Variants in TECPR2 observed in about 807,000 individuals in gnomAD.
The protein encoded by TECPR2 is tectonin beta-propeller repeat-containing protein 2.
In TECPR2, 65 loss-of-function variants were observed where a neutral mutation model predicts 138.1. The ratio of observed to expected loss-of-function variants is 0.47; its 90% CI spans 0.39 to 0.58. The LOEUF (loss-of-function observed/expected upper bound fraction) is 0.58, where lower values mean the gene tolerates loss of function less well. Ranked by LOEUF, TECPR2 falls within the 20% of genes least tolerant of loss-of-function variation. The probability of loss-of-function intolerance (pLI) is 0.00; values close to 1 mark genes in which losing one functional copy is unlikely to be tolerated. For synonymous variants in TECPR2, 746 were observed against 749.8 expected (o/e 0.99, Z 0.08); for missense variants, 1,553 against 1,824.5 (o/e 0.85, Z 2.71).
At chr14:102,466,036 G>C (rs776822566) in intron 17 of TECPR2, among the ~76,000 whole-genome samples, 10 of 152,152 alleles carry the variant, frequency 6.6e-5, no homozygotes, top group Non-Finnish European at 1.3e-4. Flanking sequence ...AGTGGGGCAG[G>C]GGGGATGGTT....
intron 12 of TECPR2, among the ~76,000 whole-genome samples, chr14:102,444,829 G>A (rs1224010713): frequency 2.0e-5 from 3 of 151,940 alleles, no homozygotes; most frequent in African/African-American, 2.4e-5. Flanking sequence ...AAAATTAACC[G>A]GGCATCTCAG....
At chr14:102,479,279 C>T (rs1265939725) in intron 17 of TECPR2, among the ~76,000 whole-genome samples, 1 of 152,102 alleles carries the variant, frequency 6.6e-6, no homozygotes, top group Non-Finnish European at 1.5e-5. Flanking sequence ...GAAGAGTGCT[C>T]CTCCCTGCTG....
At chr14:102,413,821 C>CA (rs1888950458) in intron 4 of TECPR2, among the ~76,000 whole-genome samples, 1 of 151,402 alleles carries the variant, frequency 6.6e-6, no homozygotes, top group African/African-American at 2.4e-5. Flanking sequence ...TTTTTAAAGA[C>CA]AGAGTCTCAC....
intron 2 of TECPR2, among the ~76,000 whole-genome samples, chr14:102,403,837 GAAATT>G (rs1487237260): frequency 6.6e-6 from 1 of 152,174 alleles, no homozygotes; most frequent in Non-Finnish European, 1.5e-5. Flanking sequence ...ATTGCTGAAA[GAAATT>G]AAAGACATAG....
intron 16 of TECPR2, among the ~76,000 whole-genome samples, chr14:102,456,590 CTT>C (rs532308547): frequency 1.2e-4 from 17 of 138,116 alleles, no homozygotes; most frequent in Middle Eastern, 3.4e-3. Flanking sequence ...CCCTCTCGCT[CTT>C]TTTTTTTTTT....
chr14:102,498,129 G>C lies in TECPR2; in HGVS notation c.4108G>C (p.Val1370Leu). The change falls in exon 20 of 20, where the codon GTG (valine) becomes CTG (leucine). Residue 1370 changes from valine (V) to leucine (L), a missense_variant. Physicochemically the swap from Val to Leu is conservative, Grantham distance 32. Transcript: ENST00000359520. ...TVTASDELWA[V>L]GPPGYLLQRL... is the part of the protein sequence containing the mutation. ...GACTGCGTCAGATGAGCTGTGGGCT[G>C]TGGGCCCGCCCGGCTACCTCCTCCA... 1 of 1,613,458 alleles carries C rather than the reference G, an allele frequency of 6.2e-7. No homozygotes were observed.
chr14:102,433,301 G>A (rs1039156265), intron 8 of TECPR2, among the ~76,000 whole-genome samples: 1 of 151,594 alleles, frequency 6.6e-6, no homozygotes, highest in African/African-American at 2.4e-5. Context: ...GACCCATGCC[G>A]CCTCCTCTCC....
intron 6 of TECPR2, 106 bp downstream of exon 6, chr14:102,425,397 G>A (rs1318760893): frequency 4.5e-6 from 5 of 1,122,210 alleles, no homozygotes; most frequent in Non-Finnish European, 5.9e-6. Flanking sequence ...GAGCAGTATT[G>A]ACTTACACTT....
Position 102,425,017 on chromosome 14 carries a change from G to A in TECPR2, c.677G>A (p.Cys226Tyr), listed in dbSNP as rs2139715947. Residue 226 changes from cysteine (C) to tyrosine (Y), a missense_variant, in exon 6 of 20, where the codon TGT becomes TAT. Coordinates refer to ENST00000359520, the MANE Select transcript of TECPR2 (RefSeq NM_014844.5). ...KFGACFIPGL[C>Y]KQSDLTLYAS... is the part of the protein sequence containing the mutation. Reference sequence around the variant, plus strand: ...GGTGCTTGTTTTATACCAGGACTCTGTAAGCAAAGTGATCTAACCTTGTAT... The same window carrying A: ...GGTGCTTGTTTTATACCAGGACTCTATAAGCAAAGTGATCTAACCTTGTAT... 6.2e-7 allele frequency: 1 copy of A among 1,614,028 alleles called. No individual in the cohort carries two copies. Among genetic ancestry groups the A allele is most frequent in the Non-Finnish European group, 8.5e-7 (1 of 1,179,994 alleles).
intron 17 of TECPR2, among the ~76,000 whole-genome samples, chr14:102,477,699 C>T (rs553854474): frequency 1.0e-4 from 15 of 143,598 alleles, no homozygotes; most frequent in African/African-American, 3.3e-4. Flanking sequence ...TACAGGCGCC[C>T]GCCACCATGC....
chr14:102,396,103 TC>T (rs1186196694), intron 2 of TECPR2, among the ~76,000 whole-genome samples: 2 of 136,132 alleles, frequency 1.5e-5, no homozygotes, highest in Non-Finnish European at 3.2e-5. Context: ...TCTTTAGTAC[TC>T]TTTTTTTTTT....
At chr14:102,488,080 G>C (rs1039054401) in intron 17 of TECPR2, among the ~76,000 whole-genome samples, 1 of 151,286 alleles carries the variant, frequency 6.6e-6, no homozygotes, top group Non-Finnish European at 1.5e-5. Flanking sequence ...CGGACCTCAG[G>C]TGATACGCCT....
At chr14:102,472,128 C>G (rs1890665226) in intron 17 of TECPR2, among the ~76,000 whole-genome samples, 1 of 152,218 alleles carries the variant, frequency 6.6e-6, no homozygotes, top group Non-Finnish European at 1.5e-5. Flanking sequence ...TCCCAGCAAG[C>G]CAGAGGCCAG....
At chr14:102,400,771 C>T (rs1464108461) in intron 2 of TECPR2, among the ~76,000 whole-genome samples, 1 of 152,126 alleles carries the variant, frequency 6.6e-6, no homozygotes, top group Non-Finnish European at 1.5e-5. Context: ...CGGTGGCTCA[C>T]GCCTATAACC....
chr14:102,440,550 C>T lies in TECPR2; in HGVS notation c.2693C>T (p.Ala898Val). ...GCCCTGCCCCAGGCAGTGTTTGTGG[C>T]CCTGAGCGATGACACGGCCTGGATC... ...YEALPQAVFV[A>V]LSDDTAWIIR... Residue 898 changes from alanine (A) to valine (V), a missense_variant, in exon 11 of 20, where the codon GCC becomes GTC. Transcript: ENST00000359520. 6.2e-7 allele frequency: 1 copy of T among 1,614,134 alleles called. No homozygotes were observed.
intron 1 of TECPR2, among the ~76,000 whole-genome samples, chr14:102,371,509 C>A (rs954946593): frequency 1.3e-5 from 2 of 152,184 alleles, no homozygotes; most frequent in Non-Finnish European, 2.9e-5. Flanking sequence ...AGCATGGATT[C>A]TCTTCTGCCC....
Position 102,471,083 on chromosome 14 carries a change from C to G in TECPR2, c.3789+5794C>G, listed in dbSNP as rs556288040. Among the ~76,000 whole-genome samples, 3 of 152,228 alleles carry G rather than the reference C, an allele frequency of 2.0e-5. No individual in the cohort carries two copies. In the East Asian group the frequency reaches 5.8e-4, roughly 30 times the overall value. ...CCACCTGCCTCGGCCTCCCAAAGTGCTGGGATTACAGACGTGAGTCACTGT... is the reference window on the plus strand; with the variant it reads ...CCACCTGCCTCGGCCTCCCAAAGTGGTGGGATTACAGACGTGAGTCACTGT... On this transcript the variant is annotated intron_variant, in intron 17 of 19. Transcript: ENST00000359520.
chr14:102,406,832 T>C (rs1297054654), intron 2 of TECPR2, among the ~76,000 whole-genome samples: 1 of 151,924 alleles, frequency 6.6e-6, no homozygotes, highest in Non-Finnish European at 1.5e-5. Flanking sequence ...CCTACCTAGG[T>C]ATATTTGTTT....
At chr14:102,376,578 G>A (rs1887643536) in intron 1 of TECPR2, 72 bp from the exon 2 acceptor site, 5 of 694,128 alleles carry the variant, frequency 7.2e-6, no homozygotes, top group East Asian at 2.7e-5. Flanking sequence ...AAAGTTCCAT[G>A]TTGCCAGTAT....
Sources: gnomAD v4.1 joint callset for allele counts (sites outside exome capture counted in the v4.1 genomes callset) on GRCh38, gnomAD v4.1.1 for gene constraint, MANE v1.5 for transcripts, NCBI Gene and HGNC (gene_info 2026-07-23, HGNC 2026-07-21) for gene names.